Variants in CRB1 observed in about 807,000 individuals in gnomAD.
CRB1 encodes the protein protein crumbs homolog 1.
In CRB1, 83 loss-of-function variants were observed where a neutral mutation model predicts 120.0. That is an observed-to-expected ratio of 0.69 (90% confidence interval 0.58 to 0.83). The LOEUF is 0.83. Among genes scored for constraint, CRB1 ranks in the 40% least tolerant of loss-of-function variants. The pLI is 0.00. For missense variants in CRB1, 1,699 were observed against 1,687.6 expected (o/e 1.01, Z -0.12); for synonymous variants, 625 against 612.5 (o/e 1.02, Z -0.30).
At chr1:197,459,080 T>A (rs529354180) in intron 11 of CRB1, among the ~76,000 whole-genome samples, 1 of 152,054 alleles carries the variant, frequency 6.6e-6, no homozygotes, top group East Asian at 1.9e-4. Context: ...TTGGATGGGA[T>A]GAAGAACAGA....
chr1:197,275,314 A>G (rs1298206945), intron 1 of CRB1, among the ~76,000 whole-genome samples: 3 of 152,110 alleles, frequency 2.0e-5, no homozygotes, highest in East Asian at 1.9e-4. Context: ...AACATCTACT[A>G]TGAATAAAAC....
At chr1:197,462,574 C>G (rs919272879) in intron 11 of CRB1, among the ~76,000 whole-genome samples, 1 of 152,012 alleles carries the variant, frequency 6.6e-6, no homozygotes, top group Non-Finnish European at 1.5e-5. Context: ...TTAGGGAGTT[C>G]GAGGCAAAGG....
chr1:197,312,436 A>G (rs1370582475), intron 1 of CRB1, among the ~76,000 whole-genome samples: 1 of 152,092 alleles, frequency 6.6e-6, no homozygotes, highest in African/African-American at 2.4e-5. Context: ...CAAACAAAAA[A>G]GCTGGGCGTG....
chr1:197,443,153 G>A (rs972299014), intron 11 of CRB1: 5 of 149,050 alleles, frequency 3.4e-5, no homozygotes, highest in African/African-American at 7.4e-5. Context: ...GAGAATTACC[G>A]ATTAAAATTA....
chr1:197,404,046 C>A (rs903797226), intron 5 of CRB1, among the ~76,000 whole-genome samples: 2 of 152,222 alleles, frequency 1.3e-5, no homozygotes, highest in Non-Finnish European at 2.9e-5. Flanking sequence ...AAGCAGATAT[C>A]TTCTCTGTCA....
At chr1:197,247,372 T>C in the CRB1 span, among the ~76,000 whole-genome samples, 1 of 152,114 alleles carries the variant, frequency 6.6e-6, no homozygotes, top group Non-Finnish European at 1.5e-5. Context: ...ATTGTTGTAA[T>C]GTTGACCATA....
chr1:197,345,601 C>T lies in CRB1; in HGVS notation c.848+1125C>T, dbSNP rs368364227. Reference sequence around the variant, plus strand: ...TTGGTTCACCGCAACCTCCGCCTTCCGGTTCAAGCAATTCTCCTGCCTCAG... The same window carrying T: ...TTGGTTCACCGCAACCTCCGCCTTCTGGTTCAAGCAATTCTCCTGCCTCAG... On this transcript the variant is annotated intron_variant, in intron 3 of 11. Coordinates refer to ENST00000367400, the MANE Select transcript of CRB1 (RefSeq NM_201253.3). Among the ~76,000 whole-genome samples the T allele has an allele frequency of 7.6e-4, 113 of 149,172 alleles. 1 individual carries two copies. The highest frequency in any genetic ancestry group is 2.3e-3 in the African/African-American group (93 of 40,312).
chr1:197,326,135 G>T (rs1038575898), intron 1 of CRB1, among the ~76,000 whole-genome samples: 13 of 152,030 alleles, frequency 8.6e-5, no homozygotes, highest in Non-Finnish European at 1.3e-4. Context: ...TTTACATAAA[G>T]AAACTATTAA....
chr1:197,344,170 G>A, intron 2 of CRB1, 111 bp from the exon 3 acceptor site: 1 of 1,078,582 alleles, frequency 9.3e-7, no homozygotes, highest in African/African-American at 1.6e-5. Context: ...GTTATTTTGG[G>A]TAACAGAACA....
intron 5 of CRB1, among the ~76,000 whole-genome samples, chr1:197,387,266 G>A (rs1335606481): frequency 6.6e-6 from 1 of 151,934 alleles, no homozygotes; most frequent in African/African-American, 2.4e-5. Context: ...GGAGTATTTT[G>A]GCAAATGTAG....
intron 5 of CRB1, among the ~76,000 whole-genome samples, chr1:197,390,683 T>A (rs999244930): frequency 5.3e-5 from 8 of 152,094 alleles, no homozygotes; most frequent in African/African-American, 1.9e-4. Flanking sequence ...CCAGAGTAAA[T>A]ATAATACAAA....
chr1:197,205,224 A>G, the CRB1 span, among the ~76,000 whole-genome samples: 2 of 152,104 alleles, frequency 1.3e-5, no homozygotes, highest in Non-Finnish European at 2.9e-5. Flanking sequence ...TGACTTCTTC[A>G]CTGATTTGGA....
chr1:197,312,689 AAGAG>A (rs1657608122), intron 1 of CRB1, among the ~76,000 whole-genome samples: 1 of 152,214 alleles, frequency 6.6e-6, no homozygotes, highest in South Asian at 2.1e-4. Context: ...AATAAAATAA[AAGAG>A]AGCACTTTTA....
chr1:197,257,702 G>A, the CRB1 span, among the ~76,000 whole-genome samples: 3 of 151,960 alleles, frequency 2.0e-5, no homozygotes, highest in Admixed American at 6.6e-5. Context: ...CATAAATACC[G>A]CTAATCCAAT....
chr1:197,410,294 A>G (rs1663637470), intron 5 of CRB1, among the ~76,000 whole-genome samples: 1 of 152,228 alleles, frequency 6.6e-6, no homozygotes, highest in Non-Finnish European at 1.5e-5. Context: ...AATAGTTAAC[A>G]AACTTCGCCA....
At chr1:197,240,256 A>G in the CRB1 span, among the ~76,000 whole-genome samples, 1 of 152,094 alleles carries the variant, frequency 6.6e-6, no homozygotes, top group Non-Finnish European at 1.5e-5. Context: ...TGTGGGATAC[A>G]TGTGCAGAAC....
intron 4 of CRB1, among the ~76,000 whole-genome samples, chr1:197,350,531 G>A (rs1442456464): frequency 1.3e-5 from 2 of 152,180 alleles, no homozygotes; most frequent in African/African-American, 4.8e-5. Context: ...ATGGATTCAA[G>A]CATTTAAGCC....
intron 11 of CRB1, among the ~76,000 whole-genome samples, chr1:197,471,394 G>T (rs955844483): frequency 9.8e-5 from 15 of 152,288 alleles, no homozygotes; most frequent in African/African-American, 3.6e-4. Flanking sequence ...GGCAAACCCA[G>T]TGGGAGCTTA....
chr1:197,449,852 A>T (rs988506473), intron 11 of CRB1, among the ~76,000 whole-genome samples: 2 of 152,172 alleles, frequency 1.3e-5, no homozygotes, highest in African/African-American at 4.8e-5. Context: ...TTGAGCAGAA[A>T]TCATTTTCAG....
Sources: allele counts gnomAD v4.1 joint callset (sites outside exome capture counted in the v4.1 genomes callset), GRCh38; gene constraint gnomAD v4.1.1; transcripts MANE v1.5; gene names NCBI Gene and HGNC (gene_info 2026-07-23, HGNC 2026-07-21).